Variants in ATIC observed in about 807,000 individuals in gnomAD.
ATIC encodes 5-aminoimidazole-4-carboxamide ribonucleotide formyltransferase/IMP cyclohydrolase, also known as bifunctional purine biosynthesis protein ATIC.
ATIC carries 64 observed loss-of-function variants against 72.5 expected under a neutral mutation model. The ratio of observed to expected loss-of-function variants is 0.88; its 90% confidence interval spans 0.72 to 1.09. ATIC has a LOEUF of 1.09. Among genes scored for constraint, ATIC ranks in the 50% least tolerant of loss-of-function variants. The pLI is 0.00. For missense variants in ATIC, 787 were observed against 732.4 expected (o/e 1.07, Z -0.86); for synonymous variants, 281 against 267.1 (o/e 1.05, Z -0.51).
In ATIC at chr2:215,344,831, A is replaced by C. The variant is rs1370804349; in HGVS notation, c.1280A>C (p.Tyr427Ser). 1.9e-6 allele frequency: 3 copies of C among 1,614,016 alleles called. No homozygotes were observed. Among genetic ancestry groups the C allele is most frequent in the Non-Finnish European group, 2.5e-6 (3 of 1,180,002 alleles). The change falls in exon 13 of 16, where the codon TAC becomes TCC. Residue 427 changes from tyrosine to serine, a missense_variant. Transcript: ENST00000236959. ...ATCGTAGCCACCATTGCTGTCAAGT[A>C]CACTCAGTCTAACTCTGTGTGCTAC... ...DLIVATIAVK[Y>S]TQSNSVCYAK...
chr2:215,320,871 C>T (rs955938751), intron 4 of ATIC, among the ~76,000 whole-genome samples: 2 of 152,172 alleles, frequency 1.3e-5, no homozygotes, highest in Admixed American at 6.5e-5. Context: ...TGAGCCACCA[C>T]GCCCGGCCTG....
chr2:215,365,089 C>T, the ATIC span: 9 of 753,672 alleles, frequency 1.2e-5, no homozygotes, highest in Admixed American at 8.0e-5. Context: ...ATCATCACAG[C>T]GCAAACACCA....
rs747326619 is a variant in ATIC at position 215,326,987 on chromosome 2, C to T, written c.688+9C>T. 3.1e-5 allele frequency: 50 copies of T among 1,613,968 alleles called. No homozygotes were observed. Among genetic ancestry groups the T allele is most frequent in the South Asian group, 1.3e-4 (12 of 91,076 alleles). ...CAAGCTTCCCATCACAGGTAAAGCC[C>T]GAGCGTTCTGTGGCATGGTTTGCTG... On this transcript the variant is annotated intron_variant, in intron 7 of 15. Transcript: ENST00000236959.
At chr2:215,333,772 A>G (rs62204766) in intron 9 of ATIC, among the ~76,000 whole-genome samples, 33,487 of 152,008 alleles carry the variant, frequency 0.22, 3,904 homozygotes, top group East Asian at 0.5. Flanking sequence ...GCCGGGCGCA[A>G]TGTCTCACGC....
chr2:215,327,781 C>G (rs962510433), intron 7 of ATIC, among the ~76,000 whole-genome samples: 1 of 152,118 alleles, frequency 6.6e-6, no homozygotes, highest in South Asian at 2.1e-4. Context: ...CTTCCTTTCC[C>G]TGTCATCAGC....
At chr2:215,344,297 A>G (rs1354012325) in intron 12 of ATIC, among the ~76,000 whole-genome samples, 3 of 152,234 alleles carry the variant, frequency 2.0e-5, no homozygotes, top group Admixed American at 1.3e-4. Flanking sequence ...TAAATATTTA[A>G]GTAAATCATG....
intron 6 of ATIC, among the ~76,000 whole-genome samples, chr2:215,326,340 C>T (rs974466895): frequency 6.6e-6 from 1 of 152,122 alleles, no homozygotes; most frequent in Admixed American, 6.5e-5. Context: ...CGCGGTGGCT[C>T]ACGCCTGTAA....
downstream of ATIC, among the ~76,000 whole-genome samples, chr2:215,353,475 C>T (rs928347853): frequency 6.6e-6 from 1 of 152,176 alleles, no homozygotes; most frequent in African/African-American, 2.4e-5. Flanking sequence ...TGCAGTGCCT[C>T]CAGTTTCTCC....
intron 10 of ATIC, among the ~76,000 whole-genome samples, chr2:215,335,286 C>G (rs968754762): frequency 7.2e-5 from 11 of 152,030 alleles, no homozygotes; most frequent in African/African-American, 2.4e-4. Flanking sequence ...GTTACTGTTT[C>G]TGAAGAGCAG....
At chr2:215,346,550 T>C (rs904401885) in intron 13 of ATIC, among the ~76,000 whole-genome samples, 2 of 152,036 alleles carry the variant, frequency 1.3e-5, no homozygotes, top group African/African-American at 4.8e-5. Context: ...ATGTCACATA[T>C]CACTGAAGAG....
At chr2:215,313,712 A>G (rs974593322) in intron 2 of ATIC, among the ~76,000 whole-genome samples, 1 of 152,152 alleles carries the variant, frequency 6.6e-6, no homozygotes, top group Non-Finnish European at 1.5e-5. Flanking sequence ...CAGCTATGTG[A>G]GCAGTACACA....
intron 4 of ATIC, among the ~76,000 whole-genome samples, chr2:215,322,363 C>G (rs2052777520): frequency 7.5e-6 from 1 of 133,674 alleles, no homozygotes; most frequent in Admixed American, 7.8e-5. Context: ...GAGTTTCGCT[C>G]TTGTTGCCCA....
Position 215,344,749 on chromosome 2 carries a change from A to G in ATIC, c.1228-30A>G, listed in dbSNP as rs13010249. 0.32 allele frequency: 509,422 copies of G among 1,595,236 alleles called. 85,106 individuals carry two copies. The highest frequency in any genetic ancestry group is 0.47 in the South Asian group (42,903 of 90,644). On this transcript the variant is annotated intron_variant, in intron 12 of 15. Coordinates refer to ENST00000236959, the MANE Select transcript of ATIC (RefSeq NM_004044.7). ...AAGTTAAATGAGTTTAAAAGGCCCC[A>G]TGCAATTTACCATTGTGTATGTGTT...
the ATIC span, chr2:215,363,708 T>G: frequency 6.6e-6 from 1 of 152,230 alleles, no homozygotes; most frequent in Non-Finnish European, 1.5e-5. Flanking sequence ...TTTGGGGAGT[T>G]GCTGGGAGGG....
chr2:215,338,184 A>G (rs1191531559), intron 11 of ATIC, among the ~76,000 whole-genome samples: 3 of 152,236 alleles, frequency 2.0e-5, no homozygotes, highest in Non-Finnish European at 4.4e-5. Flanking sequence ...ATTGTTCCAC[A>G]CACCTTAATG....
rs1219875606 is a variant in ATIC at position 215,344,855 on chromosome 2, A to G, written c.1304A>G (p.Tyr435Cys). The G allele has an allele frequency of 1.9e-6, 3 of 1,613,968 alleles. No individual in the cohort carries two copies. The East Asian group carries it at 6.7e-5, about 36-fold the overall frequency. The part of the protein sequence containing the change: ...VKYTQSNSVC[Y>C]AKNGQVIGIG... ...TACACTCAGTCTAACTCTGTGTGCT[A>G]CGCCAAGAACGGGCAGGTAAGTGGG... The change falls in exon 13 of 16, where the codon TAC (tyrosine) becomes TGC (cysteine). Residue 435 changes from tyrosine to cysteine, a missense_variant. Transcript: ENST00000236959.
chr2:215,361,526 T>G, the ATIC span: 1 of 1,474,864 alleles, frequency 6.8e-7, no homozygotes, highest in Non-Finnish European at 9.5e-7. Context: ...CAGAGAGACA[T>G]GCTTGTTCCT....
At chr2:215,317,179 A>G (rs2052719381) in intron 2 of ATIC, among the ~76,000 whole-genome samples, 1 of 152,194 alleles carries the variant, frequency 6.6e-6, no homozygotes, top group African/African-American at 2.4e-5. Context: ...GATATGGATT[A>G]ATATTTACTG....
chr2:215,349,090 A>G lies in ATIC; in HGVS notation c.1504-4A>G, dbSNP rs749612605. 20 of 1,614,008 alleles carry G rather than the reference A, an allele frequency of 1.2e-5. No homozygotes were observed. Among genetic ancestry groups the G allele is most frequent in the Admixed American group, 3.3e-5 (2 of 59,998 alleles). On this transcript the variant is annotated splice_polypyrimidine_tract_variant and splice_region_variant and intron_variant, in intron 14 of 15. Transcript: ENST00000236959. ...AGCTTCTTCCTTTCTCTCTCCCCGC[A>G]TAGGATGAAGATTTGATAAAGTGGA...
Sources: gnomAD v4.1 joint callset for allele counts (sites outside exome capture counted in the v4.1 genomes callset) on GRCh38, gnomAD v4.1.1 for gene constraint, MANE v1.5 for transcripts, NCBI Gene and HGNC (gene_info 2026-07-23, HGNC 2026-07-21) for gene names.